The following FGGY variants were observed in gnomAD, a reference collection of about 807,000 sequenced individuals.
FGGY encodes FGGY carbohydrate kinase domain-containing protein.
FGGY carries 72 observed loss-of-function variants against 71.3 expected under a neutral mutation model. The observed-to-expected ratio is 1.01, with a 90% CI of 0.84 to 1.23. FGGY has a LOEUF of 1.23. Among genes scored for constraint, FGGY ranks in the 50% most tolerant of loss-of-function variants. The pLI is 0.00. For missense variants in FGGY, 668 were observed against 682.3 expected, an observed-to-expected ratio of 0.98 and a Z score of 0.23; for synonymous variants, 251 against 250.3, an observed-to-expected ratio of 1.00 and a Z score of -0.02.
At chr1:59,382,728 G>T (rs555765619) in intron 5 of FGGY, among the ~76,000 whole-genome samples, 1 of 152,306 alleles carries the variant, frequency 6.6e-6, no homozygotes, top group South Asian at 2.1e-4. Flanking sequence ...AGTGCTAGTT[G>T]TCATGTGTAT....
At chr1:59,313,953 G>T (rs934887853) in intron 1 of FGGY, among the ~76,000 whole-genome samples, 3 of 151,864 alleles carry the variant, frequency 2.0e-5, no homozygotes, top group Non-Finnish European at 4.4e-5. Context: ...AAAAACCTAC[G>T]GAAATTTTTT....
intron 7 of FGGY, among the ~76,000 whole-genome samples, chr1:59,546,925 T>G (rs2095535524): frequency 6.6e-6 from 1 of 150,628 alleles, no homozygotes; most frequent in Non-Finnish European, 1.5e-5. Context: ...CAATACTTCA[T>G]GAAACATTGG....
intron 11 of FGGY, among the ~76,000 whole-genome samples, chr1:59,659,929 A>G (rs909550638): frequency 1.3e-5 from 2 of 152,204 alleles, no homozygotes; most frequent in African/African-American, 4.8e-5. Flanking sequence ...TTTTAAAATA[A>G]AAAGTATTTA....
At chr1:59,628,990 T>C (rs1311430197) in intron 10 of FGGY, among the ~76,000 whole-genome samples, 2 of 152,116 alleles carry the variant, frequency 1.3e-5, no homozygotes, top group Non-Finnish European at 2.9e-5. Flanking sequence ...AGAGTCAGGC[T>C]GTAATAGGTG....
intron 6 of FGGY, among the ~76,000 whole-genome samples, chr1:59,482,785 G>A (rs955087268): frequency 2.0e-5 from 3 of 152,010 alleles, no homozygotes; most frequent in South Asian, 2.1e-4. Flanking sequence ...ACAAAGCTAA[G>A]AGGTTGTAAA....
At chr1:59,450,270 A>G (rs1044153952) in intron 5 of FGGY, among the ~76,000 whole-genome samples, 3 of 152,194 alleles carry the variant, frequency 2.0e-5, no homozygotes, top group Non-Finnish European at 2.9e-5. Flanking sequence ...TTGATGCCTC[A>G]TTATATATAA....
intron 7 of FGGY, among the ~76,000 whole-genome samples, chr1:59,528,057 C>T (rs963142391): frequency 2.6e-5 from 4 of 152,042 alleles, no homozygotes; most frequent in Non-Finnish European, 4.4e-5. Flanking sequence ...CTGTATCCAG[C>T]CCACACATGA....
chr1:59,301,164 A>G (rs2042683933), intron 1 of FGGY, among the ~76,000 whole-genome samples: 1 of 152,170 alleles, frequency 6.6e-6, no homozygotes, highest in Admixed American at 6.5e-5. Context: ...TGTAGCTCTC[A>G]ATATGTAGGT....
chr1:59,360,127 G>GTTATTATTATTATTA (rs200166794), intron 4 of FGGY, among the ~76,000 whole-genome samples: 11,055 of 145,636 alleles, frequency 0.076, 448 homozygotes, highest in East Asian at 0.12. Context: ...TTCTATCATT[G>GTTATTATTATTATTA]TTATTATTAT....
At chr1:59,342,291 G>A (rs835393) in intron 3 of FGGY, among the ~76,000 whole-genome samples, 1 of 151,852 alleles carries the variant, frequency 6.6e-6, no homozygotes, top group Non-Finnish European at 1.5e-5. Context: ...AATCACTGGG[G>A]ACAGATTAAC....
intron 11 of FGGY, among the ~76,000 whole-genome samples, chr1:59,654,617 A>T (rs563377814): frequency 4.6e-5 from 7 of 152,332 alleles, no homozygotes; most frequent in Admixed American, 6.5e-5. Flanking sequence ...TTGCTAATAC[A>T]TTTATTAATA....
At chr1:59,313,961 T>G (rs2044883995) in intron 1 of FGGY, among the ~76,000 whole-genome samples, 1 of 152,012 alleles carries the variant, frequency 6.6e-6, no homozygotes, top group African/African-American at 2.4e-5. Flanking sequence ...ACGGAAATTT[T>G]TTTTTTCTTT....
intron 5 of FGGY, among the ~76,000 whole-genome samples, chr1:59,392,896 T>G (rs1571528586): frequency 1.3e-5 from 2 of 152,186 alleles, no homozygotes; most frequent in African/African-American, 4.8e-5. Context: ...ATTGTCAACC[T>G]GTATTGTTAA....
chr1:59,536,132 A>C (rs1477223930), intron 7 of FGGY, among the ~76,000 whole-genome samples: 1 of 151,882 alleles, frequency 6.6e-6, no homozygotes, highest in Non-Finnish European at 1.5e-5. Flanking sequence ...TGCAATAAAA[A>C]ATGATAAAGG....
chr1:59,485,068 G>A (rs2153574605), intron 6 of FGGY, among the ~76,000 whole-genome samples: 1 of 152,256 alleles, frequency 6.6e-6, no homozygotes, highest in Admixed American at 6.5e-5. Flanking sequence ...AAATGTGCTT[G>A]GAAAATGTCC....
At chr1:59,594,200 C>T (rs1571857101) in intron 8 of FGGY, among the ~76,000 whole-genome samples, 2 of 152,286 alleles carry the variant, frequency 1.3e-5, no homozygotes, top group East Asian at 1.9e-4. Context: ...CTCCCCTCTT[C>T]CAGCACCTTT....
intron 4 of FGGY, among the ~76,000 whole-genome samples, chr1:59,367,874 A>C (rs1571086995): frequency 6.6e-6 from 1 of 152,006 alleles, no homozygotes; most frequent in Non-Finnish European, 1.5e-5. Context: ...CCTCCCAACA[A>C]ATGCTGTGGT....
intron 7 of FGGY, among the ~76,000 whole-genome samples, chr1:59,518,455 T>C (rs2094724753): frequency 6.6e-6 from 1 of 152,198 alleles, no homozygotes; most frequent in Admixed American, 6.5e-5. Context: ...TTTGTAAACT[T>C]TTGATTTATG....
chr1:59,535,680 A>T (rs1383147159), intron 7 of FGGY, among the ~76,000 whole-genome samples: 1 of 150,546 alleles, frequency 6.6e-6, no homozygotes, highest in Non-Finnish European at 1.5e-5. Context: ...TAAGAATCTC[A>T]CTCAAAACCG....
Sources: allele counts gnomAD v4.1 joint callset (sites outside exome capture counted in the v4.1 genomes callset), GRCh38; gene constraint gnomAD v4.1.1; transcripts MANE v1.5; gene names NCBI Gene and HGNC (gene_info 2026-07-23, HGNC 2026-07-21).